The following DSCAM variants were observed in gnomAD, a reference collection of about 807,000 sequenced individuals.
DSCAM encodes DS cell adhesion molecule, also known as cell adhesion molecule DSCAM.
In DSCAM, 47 loss-of-function variants were observed where a neutral mutation model predicts 217.7. The ratio of observed to expected loss-of-function variants is 0.22; its 90% CI spans 0.17 to 0.28. DSCAM has a LOEUF of 0.28. DSCAM is among the 10% of genes least tolerant of loss of function. DSCAM has a pLI of 1.00. For missense variants in DSCAM, 2,080 were observed against 2,618.3 expected (o/e 0.79, Z 4.49); for synonymous variants, 1,056 against 1,015.3 (o/e 1.04, Z -0.76).
chr21:40,498,650 T>TA (rs2076139198), intron 3 of DSCAM, among the ~76,000 whole-genome samples: 2 of 130,972 alleles, frequency 1.5e-5, no homozygotes, highest in Non-Finnish European at 3.2e-5. Flanking sequence ...ATATATAGTG[T>TA]GTGTGTATAT....
intron 3 of DSCAM, among the ~76,000 whole-genome samples, chr21:40,378,853 A>G (rs1379307154): frequency 6.6e-6 from 1 of 152,026 alleles, no homozygotes; most frequent in African/African-American, 2.4e-5. Flanking sequence ...TCGGCCTCCC[A>G]AAGTGCTGGG....
At chr21:40,068,813 C>T (rs1021246287) in intron 27 of DSCAM, among the ~76,000 whole-genome samples, 8 of 152,132 alleles carry the variant, frequency 5.3e-5, no homozygotes, top group African/African-American at 1.7e-4. Context: ...TGGCTGGACG[C>T]AGTGGCTCAT....
At chr21:40,428,032 T>A (rs1033666439) in intron 3 of DSCAM, among the ~76,000 whole-genome samples, 7 of 152,200 alleles carry the variant, frequency 4.6e-5, no homozygotes, top group African/African-American at 1.7e-4. Flanking sequence ...AGCTCCATCT[T>A]TCTTGTCTGT....
intron 20 of DSCAM, among the ~76,000 whole-genome samples, chr21:40,111,474 A>G (rs536565639): frequency 2.7e-4 from 41 of 152,274 alleles, no homozygotes; most frequent in Admixed American, 2.4e-3. Flanking sequence ...CCAAATTGTA[A>G]AGACTGTCGA....
intron 1 of DSCAM, among the ~76,000 whole-genome samples, chr21:40,829,760 T>G (rs2091998006): frequency 6.6e-6 from 1 of 152,150 alleles, no homozygotes; most frequent in Non-Finnish European, 1.5e-5. Context: ...GGGTGACACA[T>G]GCTGCACGTT....
intron 1 of DSCAM, among the ~76,000 whole-genome samples, chr21:40,783,498 A>G (rs775114430): frequency 2.7e-4 from 41 of 152,098 alleles, no homozygotes; most frequent in Non-Finnish European, 5.4e-4. Context: ...ATAGCAAGAA[A>G]CCACTAAAAG....
intron 11 of DSCAM, among the ~76,000 whole-genome samples, chr21:40,220,748 A>C (rs2837512): frequency 0.51 from 77,201 of 151,976 alleles, 20,092 homozygotes; most frequent in Middle Eastern, 0.63. Flanking sequence ...GACACAATTT[A>C]TTTCCTTGTA....
chr21:40,302,344 G>A (rs1186258640), intron 9 of DSCAM, among the ~76,000 whole-genome samples: 3 of 152,066 alleles, frequency 2.0e-5, no homozygotes, highest in African/African-American at 7.2e-5. Context: ...CATGAGATCT[G>A]ATGATTTTAT....
rs1317801408 is a variant in DSCAM at position 40,758,787 on chromosome 21, G to A, written c.44-50016C>T. Among the ~76,000 whole-genome samples the A allele has an allele frequency of 2.0e-5, 3 of 152,020 alleles. No homozygotes were observed. The East Asian group carries it at 5.8e-4, about 30-fold the overall frequency. On this transcript the variant is annotated intron_variant, in intron 1 of 32. Coordinates refer to ENST00000400454, the MANE Select transcript of DSCAM (RefSeq NM_001389.5). ...TAGCCCAAAACTTCACACCCCAAAT[G>A]GTCTTGTCTTCCTCCCAGTCATGAC...
chr21:40,820,224 T>C (rs147106065), intron 1 of DSCAM, among the ~76,000 whole-genome samples: 1,819 of 152,166 alleles, frequency 0.012, 17 homozygotes, highest in Non-Finnish European at 0.019. Flanking sequence ...TGCCCATCAA[T>C]GATAAACTAG....
intron 1 of DSCAM, among the ~76,000 whole-genome samples, chr21:40,828,141 A>G (rs1287299780): frequency 6.6e-6 from 1 of 152,082 alleles, no homozygotes. Flanking sequence ...AGTGGCTCAC[A>G]CCTGTATTTG....
intron 3 of DSCAM, among the ~76,000 whole-genome samples, chr21:40,376,454 T>G (rs1268794793): frequency 1.3e-4 from 19 of 140,784 alleles, no homozygotes; most frequent in Middle Eastern, 3.8e-3. Context: ...TATAGATATC[T>G]ATATATCTTA....
intron 3 of DSCAM, among the ~76,000 whole-genome samples, chr21:40,581,234 G>A (rs1031109697): frequency 6.6e-6 from 1 of 152,134 alleles, no homozygotes; most frequent in Non-Finnish European, 1.5e-5. Context: ...GAGGTGGCGG[G>A]AAACCTAGTT....
At chr21:40,698,456 G>A (rs1362759701) in intron 2 of DSCAM, among the ~76,000 whole-genome samples, 1 of 152,166 alleles carries the variant, frequency 6.6e-6, no homozygotes, top group African/African-American at 2.4e-5. Context: ...CAGGAAGATT[G>A]TAACTCCATA....
chr21:40,516,042 C>T (rs1024292489), intron 3 of DSCAM, among the ~76,000 whole-genome samples: 1 of 151,674 alleles, frequency 6.6e-6, no homozygotes, highest in Non-Finnish European at 1.5e-5. Flanking sequence ...CCAGTGGTAG[C>T]GTCTAATGAT....
intron 8 of DSCAM, among the ~76,000 whole-genome samples, chr21:40,327,742 T>C (rs770825594): frequency 2.0e-5 from 3 of 152,176 alleles, no homozygotes; most frequent in Non-Finnish European, 4.4e-5. Context: ...TTGTTGAGAA[T>C]ATTTATCATG....
chr21:40,328,058 C>G (rs1182592951), intron 8 of DSCAM, among the ~76,000 whole-genome samples: 1 of 151,852 alleles, frequency 6.6e-6, no homozygotes, highest in African/African-American at 2.4e-5. Flanking sequence ...TGTTAAAATG[C>G]CCATCTTACC....
At chr21:40,221,393 T>C (rs994423751) in intron 11 of DSCAM, among the ~76,000 whole-genome samples, 1 of 149,122 alleles carries the variant, frequency 6.7e-6, no homozygotes, top group African/African-American at 2.4e-5. Context: ...AATACATATA[T>C]GTATAATATA....
intron 8 of DSCAM, among the ~76,000 whole-genome samples, chr21:40,337,867 C>T (rs899763469): frequency 1.3e-5 from 2 of 152,160 alleles, no homozygotes; most frequent in Non-Finnish European, 2.9e-5. Flanking sequence ...AACACATGCC[C>T]TCTGGAAAAC....
Sources: gnomAD v4.1 joint callset for allele counts (sites outside exome capture counted in the v4.1 genomes callset) on GRCh38, gnomAD v4.1.1 for gene constraint, MANE v1.5 for transcripts, NCBI Gene and HGNC (gene_info 2026-07-23, HGNC 2026-07-21) for gene names.